Variants in SCART1 observed in about 807,000 individuals in gnomAD.
SCART1 encodes scavenger receptor cysteine-rich domain-containing protein SCART1.
A neutral mutation model predicts 36.2 loss-of-function variants in SCART1; 62 were observed. That is an observed-to-expected ratio of 1.71 (90% CI 1.40 to 2.12). The LOEUF (loss-of-function observed/expected upper bound fraction) is 2.12, where lower values mean the gene tolerates loss of function less well. Among genes scored for constraint, SCART1 ranks in the 30% most tolerant of loss-of-function variants. SCART1 has a pLI of 0.00. For synonymous variants in SCART1, 487 were observed against 238.7 expected (o/e 2.04, Z -9.59); for missense variants, 1,041 against 540.5 (o/e 1.93, Z -9.18).
intron 6 of SCART1, among the ~76,000 whole-genome samples, chr10:133,461,819 G>T (rs116256892): frequency 6.6e-6 from 1 of 152,182 alleles, no homozygotes; most frequent in African/African-American, 2.4e-5. Flanking sequence ...TGTGGAAAGC[G>T]GCGGATGTTA....
At chr10:133,457,664 C>G (rs1195522559) in intron 3 of SCART1, 89 bp downstream of exon 3, 1 of 593,564 alleles carries the variant, frequency 1.7e-6, no homozygotes, top group Middle Eastern at 3.3e-4. Context: ...GGTGGGCGTT[C>G]CCACGGATGG....
intron 10 of SCART1, 132 bp from the exon 11 acceptor site, chr10:133,467,066 C>T: frequency 1.8e-6 from 1 of 566,082 alleles, no homozygotes; most frequent in South Asian, 2.3e-5. Flanking sequence ...GCCGTGGTCC[C>T]TCCATCCCAG....
chr10:133,458,763 T>A (rs577727085), intron 4 of SCART1, 107 bp downstream of exon 4: 1 of 674,276 alleles, frequency 1.5e-6, no homozygotes, highest in South Asian at 1.6e-5. Context: ...GTGCTTTTGA[T>A]GTTTGCTTCT....
At chr10:133,469,174 T>C (rs1316283176) in exon 12 of SCART1, 1 of 152,220 alleles carries the variant, frequency 6.6e-6, no homozygotes, top group Non-Finnish European at 1.5e-5. Flanking sequence ...TGCATAAATG[T>C]CTTCTTTTGA....
chr10:133,464,327 GCGTGCAGTGAACC>G (rs1850737859), intron 6 of SCART1: 1 of 397,726 alleles, frequency 2.5e-6, no homozygotes, highest in Non-Finnish European at 4.5e-6. Flanking sequence ...GTGAACCTGG[GCGTGCAGTGAACC>G]TGGGTGCTGC....
exon 2 of SCART1, chr10:133,456,418 G>A (rs559835072): frequency 2.0e-4 from 138 of 702,884 alleles, no homozygotes; most frequent in African/African-American, 1.2e-3. Flanking sequence ...ATGTCCCGCT[G>A]CCTGGAGAGA....
At position 133,466,396 on chromosome 10, in the gene SCART1, A is replaced by C. The variant is rs1407376064; in HGVS notation, c.2806+15A>C. 4.3e-6 allele frequency: 3 copies of C among 699,440 alleles called. No individual in the cohort carries two copies. In the African/African-American group the frequency reaches 5.3e-5, roughly 12 times the overall value. The allele number at this position is 699,440 out of a possible 1,614,324, so 43.3% of individuals were successfully genotyped here. A position where few individuals can be genotyped will look rare whatever the true frequency, so the allele number is the denominator to read the frequency against. On this transcript the variant is annotated intron_variant, in intron 10 of 11. Coordinates refer to ENST00000640237, the Ensembl canonical transcript of SCART1. ...CATGCAGAGGGGTAAGCGTGAGCCC[A>C]CCCTGATCCCATCAACTGGTGTGCA... is the stretch of plus-strand genomic sequence containing the variant.
In SCART1 at chr10:133,457,367, C is replaced by T. The variant is rs529995803; in HGVS notation, c.474C>T (p.Arg158=). ...TCAGAAACGTGAATGGGGTGGACCG[C>T]CTCTGTGTCCTGCATGTGGAGGAGG... is the stretch of plus-strand genomic sequence containing the variant. The change falls in exon 3 of 12, where the codon CGC becomes CGT. Residue 158 remains arginine, a synonymous_variant. Transcript: ENST00000640237. The T allele has an allele frequency of 8.6e-6, 6 of 701,660 alleles. No homozygotes were observed. The Middle Eastern group carries it at 8.9e-4, about 104-fold the overall frequency. The allele number at this position is 701,660 out of a possible 1,614,324, so 43.5% of individuals were successfully genotyped here.
At chr10:133,461,809 T>G (rs1850705319) in intron 6 of SCART1, among the ~76,000 whole-genome samples, 1 of 152,248 alleles carries the variant, frequency 6.6e-6, no homozygotes, top group African/African-American at 2.4e-5. Flanking sequence ...TGCTGGTTTC[T>G]GTGGAAAGCG....
exon 4 of SCART1, chr10:133,458,607 G>T (rs930210274): frequency 8.6e-6 from 6 of 696,978 alleles, no homozygotes; most frequent in East Asian, 8.1e-5. Context: ...GCCCACGGGG[G>T]CGTGGGAGCC....
chr10:133,459,997 G>GTGGCCGCGCCC lies in SCART1; in HGVS notation c.1799_1809dup (p.Ser604AlafsTer4), dbSNP rs1850677254. 1.9e-6 allele frequency: 1 copy of GTGGCCGCGCCC among 539,406 alleles called. No individual in the cohort carries two copies. The highest frequency in any genetic ancestry group is 3.2e-6 in the Non-Finnish European group (1 of 310,258). 33.4% of individuals were successfully genotyped at this position (539,406 alleles called of 1,614,324 possible). On this transcript the variant is annotated frameshift_variant, in exon 6 of 12. Coordinates refer to ENST00000640237, the Ensembl canonical transcript of SCART1. LOFTEE classifies it high-confidence loss of function. Reference sequence around the variant, plus strand: ...CACGTGGTCTGCAGGCAGCTGGGCTGTGGCCGCGCCCTGAGCGCCCTGGGG... The same window carrying GTGGCCGCGCCC: ...CACGTGGTCTGCAGGCAGCTGGGCTGTGGCCGCGCCCTGGCCGCGCCCTGAGCGCCCTGGGG...
intron 6 of SCART1, among the ~76,000 whole-genome samples, chr10:133,460,906 C>T (rs867837421): frequency 5.3e-5 from 8 of 151,336 alleles, no homozygotes; most frequent in Admixed American, 2.0e-4. Context: ...GTCTGGCTAA[C>T]GTTTATTTTT....
At chr10:133,468,141 C>T in exon 12 of SCART1, 1 of 501,382 alleles carries the variant, frequency 2.0e-6, no homozygotes, top group South Asian at 3.4e-5. Context: ...AAACCTCATC[C>T]CCTTCGAGGG....
At chr10:133,456,672 G>T (rs531020389) in intron 2 of SCART1, 118 bp downstream of exon 2, 15 of 592,292 alleles carry the variant, frequency 2.5e-5, no homozygotes, top group East Asian at 1.9e-4. Context: ...GGAGACGGGC[G>T]GGGAGGCTGT....
intron 3 of SCART1, chr10:133,458,115 A>C: frequency 1.5e-6 from 1 of 684,948 alleles, no homozygotes; most frequent in Non-Finnish European, 2.6e-6. Flanking sequence ...GAGGCTGTGA[A>C]ATACGTGAGC....
chr10:133,461,767 G>A (rs953491172), intron 6 of SCART1, among the ~76,000 whole-genome samples: 5 of 152,152 alleles, frequency 3.3e-5, no homozygotes, highest in African/African-American at 1.2e-4. Flanking sequence ...TGGCATCTCA[G>A]TGAGAATGAC....
exon 9 of SCART1, chr10:133,465,397 C>T (rs1403535315): frequency 3.2e-6 from 2 of 620,298 alleles, no homozygotes; most frequent in Non-Finnish European, 2.9e-6. Context: ...GGGCTGTGGT[C>T]GGGCCGTCGC....
In SCART1 at chr10:133,467,845, A is replaced by T; in HGVS notation, c.2963-2A>T. On this transcript the variant is annotated splice_acceptor_variant, in intron 11 of 11. Coordinates refer to ENST00000640237, the Ensembl canonical transcript of SCART1. LOFTEE classifies it high-confidence loss of function. Reference sequence around the variant, plus strand: ...TTGGTCACGCGGTGTCTCTTGCGCCAGTTTCAGGGGAGGTGTCTAACCTCC... The same window carrying T: ...TTGGTCACGCGGTGTCTCTTGCGCCTGTTTCAGGGGAGGTGTCTAACCTCC... 1 of 678,668 alleles carries T rather than the reference A, an allele frequency of 1.5e-6. No individual in the cohort carries two copies. Among genetic ancestry groups the T allele is most frequent in the Non-Finnish European group, 2.7e-6 (1 of 368,606 alleles). 42.0% of individuals were successfully genotyped at this position (678,668 alleles called of 1,614,324 possible).
rs1850686129 is a variant in SCART1 at position 133,460,485 on chromosome 10, TATA to T, written c.1969+316_1969+318del. Among the ~76,000 whole-genome samples, 3 of 144,182 alleles carry T rather than the reference TATA, an allele frequency of 2.1e-5. No homozygotes were observed. In the South Asian group the frequency reaches 6.9e-4, roughly 33 times the overall value. The allele number at this position is 144,182 out of a possible 152,430, so 94.6% of individuals were successfully genotyped here. A position where few individuals can be genotyped will look rare whatever the true frequency, so the allele number is the denominator to read the frequency against. Reference sequence around the variant, plus strand: ...CATCCGAAATTCATATATATATATATATATTTATATATTTTAAAAAATATTTTA... The same window carrying T: ...CATCCGAAATTCATATATATATATATTTTATATATTTTAAAAAATATTTTA... On this transcript the variant is annotated intron_variant, in intron 6 of 11. Coordinates refer to ENST00000640237, the Ensembl canonical transcript of SCART1.
Sources: gnomAD v4.1 joint callset for allele counts (sites outside exome capture counted in the v4.1 genomes callset) on GRCh38, gnomAD v4.1.1 for gene constraint, MANE v1.5 for transcripts, NCBI Gene and HGNC (gene_info 2026-07-23, HGNC 2026-07-21) for gene names.